DLG2: variants seen among roughly 807,000 people sequenced by gnomAD.
The protein encoded by DLG2 is discs large MAGUK scaffold protein 2.
A neutral mutation model predicts 132.5 loss-of-function variants in DLG2; 45 were observed. The observed-to-expected ratio is 0.34, with a 90% CI of 0.27 to 0.44. The LOEUF is 0.44. Ranked by LOEUF, DLG2 falls within the 20% of genes least tolerant of loss-of-function variation. The pLI is 1.00. For missense variants in DLG2, 1,045 were observed against 1,196.9 expected, an observed-to-expected ratio of 0.87 and a Z score of 1.87; for synonymous variants, 424 against 419.6, an observed-to-expected ratio of 1.01 and a Z score of -0.13.
At chr11:84,029,291 C>T (rs2095626270) in intron 11 of DLG2, among the ~76,000 whole-genome samples, 1 of 151,870 alleles carries the variant, frequency 6.6e-6, no homozygotes, top group South Asian at 2.1e-4. Context: ...AGATTAATAC[C>T]CTACTTCTAT....
chr11:85,263,955 G>T (rs564092928), intron 4 of DLG2, among the ~76,000 whole-genome samples: 3 of 152,352 alleles, frequency 2.0e-5, no homozygotes, highest in Non-Finnish European at 4.4e-5. Context: ...CAGCAGAGAA[G>T]GGGCTGTCTG....
intron 8 of DLG2, among the ~76,000 whole-genome samples, chr11:84,188,527 C>T (rs2096331346): frequency 6.6e-6 from 1 of 152,092 alleles, no homozygotes; most frequent in African/African-American, 2.4e-5. Flanking sequence ...TTTTTTAACT[C>T]CTGGTTCCAG....
chr11:85,589,231 G>A (rs2079157002), intron 3 of DLG2, among the ~76,000 whole-genome samples: 1 of 152,246 alleles, frequency 6.6e-6, no homozygotes, highest in South Asian at 2.1e-4. Flanking sequence ...GGAATTAGCT[G>A]TTGTTTTCCT....
intron 6 of DLG2, among the ~76,000 whole-genome samples, chr11:84,824,011 A>G (rs1216913530): frequency 6.6e-6 from 1 of 151,916 alleles, no homozygotes; most frequent in African/African-American, 2.4e-5. Flanking sequence ...GAGTAAAACA[A>G]TCTCTGTATA....
chr11:85,504,224 C>T (rs557553146), intron 3 of DLG2, among the ~76,000 whole-genome samples: 73 of 152,114 alleles, frequency 4.8e-4, no homozygotes, highest in Admixed American at 8.5e-4. Flanking sequence ...TAATTAGATC[C>T]CATTTGTCAA....
At chr11:84,422,090 A>G (rs979225790) in intron 7 of DLG2, among the ~76,000 whole-genome samples, 6 of 151,636 alleles carry the variant, frequency 4.0e-5, no homozygotes, top group African/African-American at 1.2e-4. Flanking sequence ...AGGCGCTTGA[A>G]CTCTTCAGAG....
intron 6 of DLG2, among the ~76,000 whole-genome samples, chr11:84,970,923 T>G (rs923915648): frequency 2.0e-5 from 3 of 152,210 alleles, no homozygotes; most frequent in Non-Finnish European, 4.4e-5. Flanking sequence ...CTACCAACTC[T>G]GCCATAATCT....
At chr11:85,346,802 A>T (rs1438304534) in intron 3 of DLG2, among the ~76,000 whole-genome samples, 4 of 152,090 alleles carry the variant, frequency 2.6e-5, no homozygotes, top group African/African-American at 9.7e-5. Flanking sequence ...ATCACAAAGA[A>T]AGGGCAAATA....
intron 7 of DLG2, among the ~76,000 whole-genome samples, chr11:84,451,164 G>A (rs2099050529): frequency 6.6e-6 from 1 of 151,826 alleles, no homozygotes. Context: ...ATTTTCATTT[G>A]CATGGCCTCT....
At chr11:84,512,015 G>GGACTT (rs1252814739) in intron 7 of DLG2, among the ~76,000 whole-genome samples, 5 of 151,976 alleles carry the variant, frequency 3.3e-5, no homozygotes, top group African/African-American at 1.2e-4. Flanking sequence ...AACAGAGCTG[G>GGACTT]GACTTAAACT....
At chr11:84,650,883 A>ACATATATATATACATATATAC (rs1379055337) in intron 6 of DLG2, among the ~76,000 whole-genome samples, 8 of 139,672 alleles carry the variant, frequency 5.7e-5, no homozygotes, top group East Asian at 2.0e-4. Context: ...GTATATATAT[A>ACATATATATATACATATATAC]TATATATATA....
chr11:84,401,252 G>A (rs1335907096), intron 7 of DLG2, among the ~76,000 whole-genome samples: 2 of 152,136 alleles, frequency 1.3e-5, no homozygotes, highest in Non-Finnish European at 2.9e-5. Flanking sequence ...TTCAAGGGCA[G>A]AACCTTGCAG....
chr11:85,601,153 A>T (rs2080126877), intron 2 of DLG2, among the ~76,000 whole-genome samples: 1 of 152,100 alleles, frequency 6.6e-6, no homozygotes, highest in Admixed American at 6.6e-5. Context: ...TTACTTTTTA[A>T]TATAATTTAG....
chr11:85,249,278 TA>T (rs1183497798), intron 4 of DLG2, among the ~76,000 whole-genome samples: 1 of 151,988 alleles, frequency 6.6e-6, no homozygotes, highest in Non-Finnish European at 1.5e-5. Flanking sequence ...AATCAACTAC[TA>T]CTTTAATGCT....
At chr11:84,056,430 A>G (rs1480105109) in intron 11 of DLG2, among the ~76,000 whole-genome samples, 2 of 152,098 alleles carry the variant, frequency 1.3e-5, no homozygotes, top group Non-Finnish European at 2.9e-5. Context: ...CAGTGAAATC[A>G]TGGCTCAGGC....
At chr11:85,520,553 A>G (rs983803333) in intron 3 of DLG2, among the ~76,000 whole-genome samples, 21 of 151,106 alleles carry the variant, frequency 1.4e-4, no homozygotes, top group African/African-American at 4.6e-4. Flanking sequence ...AGAATAACCA[A>G]TGCTACCCTT....
At chr11:84,747,838 A>T (rs1257581706) in intron 6 of DLG2, among the ~76,000 whole-genome samples, 1 of 152,230 alleles carries the variant, frequency 6.6e-6, no homozygotes, top group African/African-American at 2.4e-5. Context: ...AACACATGAC[A>T]CAGATGTCTG....
At chr11:84,398,804 A>G (rs563812557) in intron 7 of DLG2, among the ~76,000 whole-genome samples, 5 of 152,320 alleles carry the variant, frequency 3.3e-5, no homozygotes, top group Non-Finnish European at 7.3e-5. Flanking sequence ...TTGTAACATC[A>G]GTTGCAGTAT....
chr11:84,064,536 T>C (rs1393629798), intron 10 of DLG2, among the ~76,000 whole-genome samples: 4 of 152,086 alleles, frequency 2.6e-5, no homozygotes, highest in African/African-American at 9.7e-5. Context: ...CATCTGAAAA[T>C]AGGGATAATG....
Sources: gnomAD v4.1 joint callset for allele counts (sites outside exome capture counted in the v4.1 genomes callset) on GRCh38, gnomAD v4.1.1 for gene constraint, MANE v1.5 for transcripts, NCBI Gene and HGNC (gene_info 2026-07-23, HGNC 2026-07-21) for gene names.